FAM219A: variants seen among roughly 807,000 people sequenced by gnomAD.
FAM219A encodes the protein family with sequence similarity 219 member A.
FAM219A carries 7 observed loss-of-function variants against 23.4 expected under a neutral mutation model. The observed-to-expected ratio is 0.30, with a 90% CI of 0.17 to 0.56. The LOEUF is 0.56. FAM219A is among the 20% of genes least tolerant of loss of function. The probability of loss-of-function intolerance (pLI) is 0.92; values close to 1 mark genes in which losing one functional copy is unlikely to be tolerated. For missense variants in FAM219A, 166 were observed against 246.9 expected (o/e 0.67, Z 2.20); for synonymous variants, 93 against 99.0 (o/e 0.94, Z 0.36).
Position 34,457,603 on chromosome 9 carries a change from C to G in FAM219A, c.60+601G>C, listed in dbSNP as rs1038396251. ...CATCTGGTCGCCGCGCACTCTCCTT[C>G]CCGGTTTAGATGCCCCCAGCCTGGT... On this transcript the variant is annotated intron_variant, in intron 1 of 5. Transcript: ENST00000651358. The surrounding 1 kb of genome is among the most constrained non-coding windows in gnomAD (Gnocchi z 5.1). 1 of 152,866 alleles carries G rather than the reference C, an allele frequency of 6.5e-6. No homozygotes were observed. Among genetic ancestry groups the G allele is most frequent in the East Asian group, 1.9e-4 (1 of 5,204 alleles). The allele number at this position is 152,866 out of a possible 1,614,324, so 9.5% of individuals were successfully genotyped here. A position where few individuals can be genotyped will look rare whatever the true frequency, so the allele number is the denominator to read the frequency against.
chr9:34,437,088 C>T (rs975274395), intron 1 of FAM219A, among the ~76,000 whole-genome samples: 25 of 152,254 alleles, frequency 1.6e-4, no homozygotes, highest in African/African-American at 5.1e-4. Context: ...GAGGCGTTGC[C>T]CTCTTAATGG....
At position 34,417,417 on chromosome 9, in the gene FAM219A, T is replaced by C. The variant is rs1317816736; in HGVS notation, c.61-11453A>G. Among the ~76,000 whole-genome samples the C allele has an allele frequency of 1.3e-5, 2 of 152,184 alleles. No individual in the cohort carries two copies. The highest frequency in any genetic ancestry group is 4.8e-5 in the African/African-American group (2 of 41,438). ...GGCTGCATAATACCTATAGAGAGGA[T>C]GTAGAGTAACTTTGTAACCATTCAT... On this transcript the variant is annotated intron_variant, in intron 1 of 5. Coordinates refer to ENST00000651358, the MANE Select transcript of FAM219A (RefSeq NM_001184940.2). This position sits in a 1 kb window ranked among gnomAD's most constrained non-coding sequence, Gnocchi z 4.1.
intron 1 of FAM219A, among the ~76,000 whole-genome samples, chr9:34,446,354 A>G (rs888491522): frequency 8.5e-5 from 13 of 152,232 alleles, no homozygotes. Context: ...AGGCCTTGAT[A>G]TATACAAAAC....
chr9:34,446,670 T>C (rs1251984694), intron 1 of FAM219A, among the ~76,000 whole-genome samples: 2 of 152,240 alleles, frequency 1.3e-5, no homozygotes, highest in African/African-American at 2.4e-5. Flanking sequence ...AAGACTATCC[T>C]CCTTTTCTTT....
At chr9:34,414,076 T>C (rs1482937500) in intron 1 of FAM219A, among the ~76,000 whole-genome samples, 1 of 152,226 alleles carries the variant, frequency 6.6e-6, no homozygotes, top group Non-Finnish European at 1.5e-5. Context: ...ATAACTTAAC[T>C]TCACTAAGTC....
At position 34,400,339 on chromosome 9, in the gene FAM219A, C is replaced by T. The variant is rs751201521; in HGVS notation, c.*625G>A. 294 of 152,582 alleles carry T rather than the reference C, an allele frequency of 1.9e-3. 1 individual carries two copies. Among genetic ancestry groups the T allele is most frequent in the Non-Finnish European group, 3.1e-4 (21 of 68,298 alleles). The allele number at this position is 152,582 out of a possible 1,614,324, so 9.5% of individuals were successfully genotyped here. On this transcript the variant is annotated 3_prime_UTR_variant, in exon 6 of 6. Coordinates refer to ENST00000651358, the MANE Select transcript of FAM219A (RefSeq NM_001184940.2). ...GCCCCACTCCCAGAGTGCAAGGAAG[C>T]GGGTGAATGGGGCAAGAGGAGGAAG...
chr9:34,414,805 T>C (rs1191582274), intron 1 of FAM219A, among the ~76,000 whole-genome samples: 2 of 152,220 alleles, frequency 1.3e-5, no homozygotes, highest in Admixed American at 6.5e-5. Context: ...CCAAATCTTC[T>C]AAGTTTTTCT....
At chr9:34,446,708 A>G (rs934764443) in intron 1 of FAM219A, among the ~76,000 whole-genome samples, 3 of 152,236 alleles carry the variant, frequency 2.0e-5, no homozygotes, top group Admixed American at 6.5e-5. Context: ...AGGTATTTGA[A>G]AACCTCAAAA....
chr9:34,422,529 C>G (rs1196468647), intron 1 of FAM219A, among the ~76,000 whole-genome samples: 1 of 152,146 alleles, frequency 6.6e-6, no homozygotes, highest in African/African-American at 2.4e-5. Flanking sequence ...AGGCTGGTAC[C>G]TAGTTCAATC....
At chr9:34,416,272 AG>A (rs2131952824) in intron 1 of FAM219A, among the ~76,000 whole-genome samples, 6 of 122,432 alleles carry the variant, frequency 4.9e-5, no homozygotes, top group Non-Finnish European at 1.1e-4. Context: ...GGAGGGAGGG[AG>A]GGAAGGAAGG....
chr9:34,422,436 G>T (rs985296080), intron 1 of FAM219A, among the ~76,000 whole-genome samples: 5 of 152,158 alleles, frequency 3.3e-5, no homozygotes, highest in Non-Finnish European at 5.9e-5. Context: ...CCTTCTCAGA[G>T]ACTTAGATAA....
At chr9:34,432,662 A>C (rs150181036) in intron 1 of FAM219A, among the ~76,000 whole-genome samples, 1 of 152,082 alleles carries the variant, frequency 6.6e-6, no homozygotes, top group Non-Finnish European at 1.5e-5. Context: ...TCCCAAGCCC[A>C]TATCTCTAGC....
intron 1 of FAM219A, among the ~76,000 whole-genome samples, chr9:34,410,630 C>T (rs1821789729): frequency 6.6e-6 from 1 of 152,190 alleles, no homozygotes; most frequent in Non-Finnish European, 1.5e-5. Flanking sequence ...TCAAATTATA[C>T]TCCTCCTCCA....
intron 1 of FAM219A, among the ~76,000 whole-genome samples, chr9:34,426,411 A>G (rs183070425): frequency 2.8e-4 from 43 of 152,282 alleles, no homozygotes; most frequent in Non-Finnish European, 5.3e-4. Context: ...AGTCTATAGT[A>G]CACCCTGGGC....
intron 1 of FAM219A, among the ~76,000 whole-genome samples, chr9:34,437,105 A>C (rs934063397): frequency 2.6e-5 from 4 of 152,222 alleles, no homozygotes; most frequent in Non-Finnish European, 5.9e-5. Flanking sequence ...ATGGGTTTGC[A>C]CTTCCCAGGA....
intron 1 of FAM219A, among the ~76,000 whole-genome samples, chr9:34,435,608 T>C (rs1026987169): frequency 1.3e-5 from 2 of 152,228 alleles, no homozygotes; most frequent in Non-Finnish European, 2.9e-5. Flanking sequence ...TGGAATCAGA[T>C]GATCCATCTT....
chr9:34,402,355 C>T (rs1340981494), intron 4 of FAM219A, 32 bp downstream of exon 4: 3 of 1,614,068 alleles, frequency 1.9e-6, no homozygotes, highest in Admixed American at 1.7e-5. Flanking sequence ...TTCCTTTGGG[C>T]TGCCCAGCTA....
chr9:34,450,514 G>T (rs1823528165), intron 1 of FAM219A, among the ~76,000 whole-genome samples: 1 of 151,872 alleles, frequency 6.6e-6, no homozygotes, highest in African/African-American at 2.4e-5. Flanking sequence ...CCACCTCCTG[G>T]GTTCAAGCAA....
chr9:34,416,239 GAAAGAAAGAAAGAAAGAAA>G (rs1564003304), intron 1 of FAM219A, among the ~76,000 whole-genome samples: 16 of 118,894 alleles, frequency 1.3e-4, no homozygotes, highest in African/African-American at 3.8e-4. Context: ...AAGAAAGAAA[GAAAGAAAGAAAGAAAGAAA>G]GGGGGAGGGA....
Sources: gnomAD v4.1 joint callset for allele counts (sites outside exome capture counted in the v4.1 genomes callset) on GRCh38, gnomAD v4.1.1 for gene constraint, Gnocchi (gnomAD v3.1) non-coding constraint, MANE v1.5 for transcripts, NCBI Gene and HGNC (gene_info 2026-07-23, HGNC 2026-07-21) for gene names.